The following RANBP10 variants were observed in gnomAD, a reference collection of about 807,000 sequenced individuals.
RANBP10 encodes RAN binding protein 10.
In RANBP10, 24 loss-of-function variants were observed where a neutral mutation model predicts 72.8. The ratio of observed to expected loss-of-function variants is 0.33; its 90% CI spans 0.24 to 0.46. The LOEUF (loss-of-function observed/expected upper bound fraction) is 0.46. RANBP10 is among the 20% of genes least tolerant of loss of function. The probability of loss-of-function intolerance (pLI) is 1.00; values close to 1 mark genes in which losing one functional copy is unlikely to be tolerated. For synonymous variants in RANBP10, 310 were observed against 322.3 expected (o/e 0.96, Z 0.41); for missense variants, 679 against 817.5 (o/e 0.83, Z 2.07).
At chr16:67,781,641 C>G (rs949210748) in intron 2 of RANBP10, among the ~76,000 whole-genome samples, 6 of 152,176 alleles carry the variant, frequency 3.9e-5, no homozygotes, top group South Asian at 2.1e-4. Context: ...ACAGGAAGCA[C>G]AGAGAGGCAA....
At chr16:67,766,741 A>G (rs888166201) in intron 3 of RANBP10, among the ~76,000 whole-genome samples, 2 of 152,178 alleles carry the variant, frequency 1.3e-5, no homozygotes, top group African/African-American at 4.8e-5. Context: ...TGACAGGAAC[A>G]CAAACTAACA....
chr16:67,776,449 C>T (rs1282538869), intron 2 of RANBP10, among the ~76,000 whole-genome samples: 1 of 99,284 alleles, frequency 1.0e-5, no homozygotes, highest in East Asian at 2.8e-4. Context: ...ACAACAGACA[C>T]GGACTCCATC....
intron 3 of RANBP10, among the ~76,000 whole-genome samples, chr16:67,749,034 C>G (rs1011112760): frequency 6.6e-6 from 1 of 152,154 alleles, no homozygotes; most frequent in Admixed American, 6.5e-5. Flanking sequence ...GGGCAAGGCT[C>G]AAACATTCAC....
intron 2 of RANBP10, among the ~76,000 whole-genome samples, chr16:67,784,111 A>G (rs1251475651): frequency 6.6e-6 from 1 of 152,100 alleles, no homozygotes; most frequent in Non-Finnish European, 1.5e-5. Context: ...ATGAATATAG[A>G]TGCAAAAATC....
intron 3 of RANBP10, among the ~76,000 whole-genome samples, chr16:67,768,150 G>A (rs1354457741): frequency 1.3e-5 from 2 of 152,040 alleles, no homozygotes; most frequent in Non-Finnish European, 2.9e-5. Flanking sequence ...AGCACTTTGG[G>A]AGGCCGAGAT....
In RANBP10 at chr16:67,805,464, T is replaced by C; in HGVS notation, c.311A>G (p.Tyr104Cys). 6.2e-7 allele frequency: 1 copy of C among 1,614,092 alleles called. No individual in the cohort carries two copies. ...TTTGCTGACAATCTTCACTTCAAAGTAATAAATGCCACAGGCAGCAGGTAT... is the reference window on the plus strand; with the variant it reads ...TTTGCTGACAATCTTCACTTCAAAGCAATAAATGCCACAGGCAGCAGGTAT... ...HPIPAACGIY[Y>C]FEVKIVSKGR... The change falls in exon 2 of 14, where the codon TAC (tyrosine) becomes TGC (cysteine). Residue 104 changes from tyrosine to cysteine, a missense_variant. Physicochemically the swap from Tyr to Cys is radical, Grantham distance 194. Transcript: ENST00000317506.
chr16:67,786,906 G>A (rs1237829133), intron 2 of RANBP10, among the ~76,000 whole-genome samples: 1 of 151,438 alleles, frequency 6.6e-6, no homozygotes, highest in Non-Finnish European at 1.5e-5. Context: ...CAGCCTGGGG[G>A]ATAGAGCTAG....
chr16:67,800,614 A>G lies in RANBP10; in HGVS notation c.347+4814T>C, dbSNP rs115865418. 6.3e-3 allele frequency among the ~76,000 whole-genome samples: 955 copies of G among 152,172 alleles called. 5 individuals are homozygous for G. The highest frequency in any genetic ancestry group is 0.021 in the African/African-American group (892 of 41,522). On this transcript the variant is annotated intron_variant, in intron 2 of 13. Coordinates refer to ENST00000317506, the MANE Select transcript of RANBP10 (RefSeq NM_020850.3). ...TGGATGCCCCTTATCTCCTGGCACC[A>G]CTGGCAGTGCTCTGATGTCTCCTCA...
intron 3 of RANBP10, among the ~76,000 whole-genome samples, chr16:67,752,370 C>T (rs188446250): frequency 6.6e-6 from 1 of 152,142 alleles, no homozygotes; most frequent in Non-Finnish European, 1.5e-5. Context: ...ACACAGGAGG[C>T]CGCTAGAAGC....
chr16:67,767,201 C>A (rs2054518535), intron 3 of RANBP10, among the ~76,000 whole-genome samples: 1 of 152,132 alleles, frequency 6.6e-6, no homozygotes, highest in South Asian at 2.1e-4. Flanking sequence ...CATATGGTCC[C>A]ATCTCAAAGA....
chr16:67,749,885 T>C (rs1188585137), intron 3 of RANBP10, among the ~76,000 whole-genome samples: 2 of 152,154 alleles, frequency 1.3e-5, no homozygotes, highest in Non-Finnish European at 2.9e-5. Flanking sequence ...TAGCTCAGAC[T>C]GTGGTGGCCC....
chr16:67,773,014 G>A (rs2054635820), intron 2 of RANBP10, among the ~76,000 whole-genome samples: 1 of 152,212 alleles, frequency 6.6e-6, no homozygotes, highest in Non-Finnish European at 1.5e-5. Flanking sequence ...ATTCTGCAAT[G>A]TGAGAAAGAC....
chr16:67,734,739 T>C, intron 6 of RANBP10, 119 bp downstream of exon 6: 1 of 1,112,226 alleles, frequency 9.0e-7, no homozygotes, highest in Non-Finnish European at 1.2e-6. Context: ...CTGGGAATGC[T>C]TCCCAGAAAG....
At position 67,726,229 on chromosome 16, in the gene RANBP10, G is replaced by A. The variant is rs1370248649; in HGVS notation, c.*199C>T. 19 of 693,790 alleles carry A rather than the reference G, an allele frequency of 2.7e-5. No individual in the cohort carries two copies. Among genetic ancestry groups the A allele is most frequent in the Non-Finnish European group, 2.8e-5 (12 of 431,260 alleles). The allele number at this position is 693,790 out of a possible 1,614,324, so 43.0% of individuals were successfully genotyped here. On this transcript the variant is annotated 3_prime_UTR_variant, in exon 14 of 14. Transcript: ENST00000317506. ...TGTGTTACAGGCCGCTGCACGTGAA[G>A]GGGAGAGAGAGAGAGACTGAGCGGG... is the stretch of plus-strand genomic sequence containing the variant.
At chr16:67,800,417 T>C (rs1488595996) in intron 2 of RANBP10, among the ~76,000 whole-genome samples, 3 of 152,006 alleles carry the variant, frequency 2.0e-5, no homozygotes, top group Non-Finnish European at 2.9e-5. Context: ...GATGTTACAG[T>C]CTATTTTGAG....
At chr16:67,746,437 C>T (rs1046119845) in intron 3 of RANBP10, among the ~76,000 whole-genome samples, 1 of 151,902 alleles carries the variant, frequency 6.6e-6, no homozygotes, top group African/African-American at 2.4e-5. Context: ...GCCGAGATCG[C>T]GCCACTGAAC....
chr16:67,788,622 C>A (rs1208116214), intron 2 of RANBP10, among the ~76,000 whole-genome samples: 1 of 151,756 alleles, frequency 6.6e-6, no homozygotes, highest in Non-Finnish European at 1.5e-5. Context: ...GATCTCCTGA[C>A]CTCGTGATCT....
chr16:67,792,371 G>A (rs886343083), intron 2 of RANBP10, among the ~76,000 whole-genome samples: 22 of 151,806 alleles, frequency 1.4e-4, no homozygotes, highest in Admixed American at 5.9e-4. Flanking sequence ...TGGCTAACAC[G>A]GTGAAACCCC....
Position 67,750,880 on chromosome 16 carries a change from C to T in RANBP10, c.401-6425G>A, listed in dbSNP as rs185092665. ...CTCCCAGGTTCACGCCATTCTCCTG[C>T]CTTAGCCACCCAAGTAGCTGGGACT... On this transcript the variant is annotated intron_variant, in intron 3 of 13. Coordinates refer to ENST00000317506, the MANE Select transcript of RANBP10 (RefSeq NM_020850.3). 1.1e-4 allele frequency among the ~76,000 whole-genome samples: 17 copies of T among 151,582 alleles called. No individual in the cohort carries two copies. In the East Asian group the frequency reaches 2.9e-3, roughly 26 times the overall value.
Sources: gnomAD v4.1 joint callset for allele counts (sites outside exome capture counted in the v4.1 genomes callset) on GRCh38, gnomAD v4.1.1 for gene constraint, MANE v1.5 for transcripts, NCBI Gene and HGNC (gene_info 2026-07-23, HGNC 2026-07-21) for gene names.